EYA1: variants seen among roughly 807,000 people sequenced by gnomAD.
EYA1 encodes the protein protein phosphatase EYA1.
In EYA1, 16 loss-of-function variants were observed where a neutral mutation model predicts 82.0. The ratio of observed to expected loss-of-function variants is 0.20; its 90% CI spans 0.13 to 0.30. EYA1 has a LOEUF of 0.30. Ranked by LOEUF, EYA1 falls within the 10% of genes least tolerant of loss-of-function variation. EYA1 has a pLI of 1.00. For synonymous variants in EYA1, 261 were observed against 264.4 expected (o/e 0.99, Z 0.12); for missense variants, 633 against 730.7 (o/e 0.87, Z 1.54).
intron 3 of EYA1, among the ~76,000 whole-genome samples, chr8:71,343,844 T>A (rs7014944): frequency 0.05 from 7,647 of 152,280 alleles, 612 homozygotes; most frequent in African/African-American, 0.17. Flanking sequence ...AGAGTTTATT[T>A]GTATACAGTA....
intron 2 of EYA1, among the ~76,000 whole-genome samples, chr8:71,525,734 C>A (rs1813758733): frequency 2.0e-5 from 3 of 152,038 alleles, no homozygotes. Context: ...TGAAACCTGG[C>A]AGAGCAAAAA....
intron 1 of EYA1, among the ~76,000 whole-genome samples, chr8:71,542,660 A>T (rs1049897069): frequency 6.6e-6 from 1 of 151,828 alleles, no homozygotes; most frequent in African/African-American, 2.4e-5. Context: ...CAATGGTTGA[A>T]CTCATTTATA....
intron 1 of EYA1, among the ~76,000 whole-genome samples, chr8:71,541,129 T>C (rs1043921156): frequency 2.0e-5 from 3 of 152,202 alleles, no homozygotes; most frequent in Non-Finnish European, 2.9e-5. Context: ...AAACAGAGAT[T>C]GGGTGTACTC....
intron 4 of EYA1, among the ~76,000 whole-genome samples, chr8:71,326,079 C>A (rs1025661914): frequency 6.6e-6 from 1 of 152,150 alleles, no homozygotes; most frequent in African/African-American, 2.4e-5. Flanking sequence ...TACGGACAAC[C>A]AATATCTCTT....
At chr8:71,511,990 C>T (rs1812631274) in intron 2 of EYA1, among the ~76,000 whole-genome samples, 1 of 151,308 alleles carries the variant, frequency 6.6e-6, no homozygotes, top group Non-Finnish European at 1.5e-5. Context: ...AAAAAGCAGG[C>T]CATATTTCCT....
chr8:71,449,374 A>C (rs1043888590), intron 2 of EYA1, among the ~76,000 whole-genome samples: 2 of 152,224 alleles, frequency 1.3e-5, no homozygotes, highest in Non-Finnish European at 2.9e-5. Flanking sequence ...CTGTGTTGGC[A>C]GGCATGAAAA....
intron 2 of EYA1, among the ~76,000 whole-genome samples, chr8:71,422,436 G>C (rs1831193897): frequency 6.6e-6 from 1 of 152,224 alleles, no homozygotes; most frequent in Admixed American, 6.5e-5. Context: ...CTCAGGCATA[G>C]AAAGTGCAAT....
At chr8:71,487,314 G>A (rs1227607872) in intron 2 of EYA1, among the ~76,000 whole-genome samples, 2 of 152,026 alleles carry the variant, frequency 1.3e-5, no homozygotes, top group Non-Finnish European at 2.9e-5. Context: ...GTAAAATGAG[G>A]GGTTCATGCA....
chr8:71,362,361 G>T, upstream of EYA1: 1 of 247,906 alleles, frequency 4.0e-6, no homozygotes, highest in Non-Finnish European at 6.4e-6. Context: ...ACTTCTCTGA[G>T]ACGTGGTCAA....
At chr8:71,307,120 C>A (rs1820815113) in intron 7 of EYA1, among the ~76,000 whole-genome samples, 1 of 151,872 alleles carries the variant, frequency 6.6e-6, no homozygotes, top group Admixed American at 6.6e-5. Context: ...GGGAGGGGGA[C>A]AGTTTGGAAG....
chr8:71,363,369 C>G (rs182811794), upstream of EYA1, among the ~76,000 whole-genome samples: 3 of 151,966 alleles, frequency 2.0e-5, no homozygotes, highest in African/African-American at 7.2e-5. Flanking sequence ...TTACAGACTT[C>G]CCCCCAACCA....
At chr8:71,356,725 G>T (rs989193128) in intron 1 of EYA1, 3 of 1,216,486 alleles carry the variant, frequency 2.5e-6, no homozygotes, top group Non-Finnish European at 3.1e-6. Flanking sequence ...CCCCTTGTCA[G>T]GGGGGGAAGG....
Position 71,219,734 on chromosome 8 carries a change from G to C in EYA1, c.1141-2711C>G, listed in dbSNP as rs1358144349. ...TATTAAGATACTGCAATATTCCACA[G>C]CAGAACTGCACAATGTGTTAACCTG... On this transcript the variant is annotated intron_variant, in intron 12 of 17. Transcript: ENST00000340726. 2.6e-5 allele frequency among the ~76,000 whole-genome samples: 4 copies of C among 152,268 alleles called. No individual in the cohort carries two copies. The East Asian group carries it at 5.8e-4, about 22-fold the overall frequency.
chr8:71,429,457 T>A (rs991722865), intron 2 of EYA1, among the ~76,000 whole-genome samples: 1 of 152,162 alleles, frequency 6.6e-6, no homozygotes, highest in African/African-American at 2.4e-5. Context: ...ATTATAATAA[T>A]ATACTACATT....
chr8:71,459,559 TCTG>T (rs970635904), intron 2 of EYA1, among the ~76,000 whole-genome samples: 4 of 152,180 alleles, frequency 2.6e-5, no homozygotes, highest in Non-Finnish European at 5.9e-5. Flanking sequence ...TACTTTTATT[TCTG>T]CTATTTATTT....
chr8:71,236,387 GAA>G (rs1414766992), intron 12 of EYA1, among the ~76,000 whole-genome samples: 3 of 152,236 alleles, frequency 2.0e-5, no homozygotes, highest in African/African-American at 7.2e-5. Flanking sequence ...ATGACATGTT[GAA>G]TAGGCTAGAT....
chr8:71,224,523 A>G (rs970005988), intron 12 of EYA1, among the ~76,000 whole-genome samples: 7 of 152,206 alleles, frequency 4.6e-5, no homozygotes, highest in African/African-American at 1.7e-4. Flanking sequence ...CAATTTAGAT[A>G]CTTGCCTGAT....
At chr8:71,450,138 G>A (rs376320867) in intron 2 of EYA1, among the ~76,000 whole-genome samples, 1 of 152,136 alleles carries the variant, frequency 6.6e-6, no homozygotes, top group African/African-American at 2.4e-5. Context: ...TATCATTCAT[G>A]GGTTCACTGA....
At chr8:71,401,049 C>T (rs1418518458) in intron 2 of EYA1, among the ~76,000 whole-genome samples, 2 of 152,166 alleles carry the variant, frequency 1.3e-5, no homozygotes. Flanking sequence ...GAAAACCAAA[C>T]ACTGCATGTT....
Sources: gnomAD v4.1 joint callset for allele counts (sites outside exome capture counted in the v4.1 genomes callset) on GRCh38, gnomAD v4.1.1 for gene constraint, MANE v1.5 for transcripts, NCBI Gene and HGNC (gene_info 2026-07-23, HGNC 2026-07-21) for gene names.